FAM193A: variants seen among roughly 807,000 people sequenced by gnomAD.
FAM193A encodes protein FAM193A.
Under a neutral mutation model 126.5 loss-of-function variants are expected in FAM193A, and 22 were observed. That is an observed-to-expected ratio of 0.17 (90% CI 0.12 to 0.25). The LOEUF (loss-of-function observed/expected upper bound fraction) is 0.25. Among genes scored for constraint, FAM193A ranks in the 10% least tolerant of loss-of-function variants. The pLI, the probability that FAM193A is intolerant of heterozygous loss-of-function variation, is 1.00. For synonymous variants in FAM193A, 761 were observed against 646.8 expected (o/e 1.18, Z -2.68); for missense variants, 1,675 against 1,672.8 (o/e 1.00, Z -0.02).
chr4:2,646,805 G>T lies in FAM193A; in HGVS notation c.1284G>T (p.Lys428Asn). The change falls in exon 7 of 21, where the codon AAG becomes AAT. Residue 428 changes from lysine to asparagine, a missense_variant. By Grantham distance (94) the Lys-to-Asn change is moderately conservative. Transcript: ENST00000637812. ...CCGAGGAGTGGCTGGAGTGCCAGAA[G>T]AGGATCGACGCCTATGTCGACGAGC... ...RVAEEWLECQ[K>N]RIDAYVDEQM... is the part of the protein sequence containing the mutation. 6.2e-7 allele frequency: 1 copy of T among 1,613,474 alleles called. No homozygotes were observed. The highest frequency in any genetic ancestry group is 1.1e-5 in the South Asian group (1 of 91,006).
chr4:2,715,403 C>A, intron 19 of FAM193A: 1 of 613,014 alleles, frequency 1.6e-6, no homozygotes. Flanking sequence ...ATGGAGGTTC[C>A]AGTGAGCCGA....
intron 12 of FAM193A, among the ~76,000 whole-genome samples, chr4:2,665,971 C>G (rs779203142): frequency 1.3e-5 from 2 of 152,166 alleles, no homozygotes; most frequent in African/African-American, 2.4e-5. Flanking sequence ...CTCAGCCTCC[C>G]GAGTGCTTTT....
At chr4:2,658,327 A>G (rs1435483438) in intron 8 of FAM193A, among the ~76,000 whole-genome samples, 1 of 152,104 alleles carries the variant, frequency 6.6e-6, no homozygotes, top group African/African-American at 2.4e-5. Flanking sequence ...GCCAGGTGCC[A>G]TGCCTTCAAC....
At chr4:2,560,561 G>C (rs969787063) in intron 1 of FAM193A, among the ~76,000 whole-genome samples, 11 of 152,098 alleles carry the variant, frequency 7.2e-5, no homozygotes, top group South Asian at 2.1e-4. Context: ...TTTGTCTTTT[G>C]ATTTGGAAGA....
Position 2,719,327 on chromosome 4 carries a change from C to T in FAM193A, c.4454+3223C>T, listed in dbSNP as rs145527590. Among the ~76,000 whole-genome samples the T allele has an allele frequency of 7.3e-4, 111 of 152,192 alleles. 4 individuals carry two copies. In the East Asian group the frequency reaches 0.019, roughly 26 times the overall value. Reference sequence around the variant, plus strand: ...CTCCGTCTCAAAAATATTCTCATACCTACATCAGTGTAATTTTCAAAAAAA... The same window carrying T: ...CTCCGTCTCAAAAATATTCTCATACTTACATCAGTGTAATTTTCAAAAAAA... On this transcript the variant is annotated intron_variant, in intron 20 of 20. Coordinates refer to ENST00000637812, the MANE Select transcript of FAM193A (RefSeq NM_001366318.2).
At chr4:2,673,464 T>C (rs79539627) in intron 13 of FAM193A, among the ~76,000 whole-genome samples, 4,620 of 152,320 alleles carry the variant, frequency 0.03, 216 homozygotes, top group African/African-American at 0.11. Flanking sequence ...GAATAGAGTG[T>C]AATAAGTTTG....
intron 13 of FAM193A, among the ~76,000 whole-genome samples, chr4:2,680,044 A>G (rs561891902): frequency 6.6e-6 from 1 of 151,064 alleles, no homozygotes; most frequent in South Asian, 2.1e-4. Context: ...TATTTTTAGT[A>G]GAGACGGGGT....
At chr4:2,625,003 G>A (rs1041210686) in intron 2 of FAM193A, among the ~76,000 whole-genome samples, 1 of 152,084 alleles carries the variant, frequency 6.6e-6, no homozygotes, top group Non-Finnish European at 1.5e-5. Context: ...GACTACAGGC[G>A]GGCACCAACA....
intron 13 of FAM193A, among the ~76,000 whole-genome samples, chr4:2,673,734 A>G (rs1166287726): frequency 6.6e-6 from 1 of 152,184 alleles, no homozygotes; most frequent in African/African-American, 2.4e-5. Flanking sequence ...AGTTCCAAGA[A>G]AAGATAATAT....
At chr4:2,542,614 G>T (rs1737299772) in intron 1 of FAM193A, among the ~76,000 whole-genome samples, 2 of 152,158 alleles carry the variant, frequency 1.3e-5, no homozygotes, top group African/African-American at 4.8e-5. Context: ...CCCACAGATG[G>T]TGAGCTTTTT....
chr4:2,620,595 C>A (rs1259552223), intron 2 of FAM193A, among the ~76,000 whole-genome samples: 2 of 151,986 alleles, frequency 1.3e-5, no homozygotes, highest in African/African-American at 4.8e-5. Flanking sequence ...TGCCTGTAAT[C>A]CAGCACTCTG....
chr4:2,695,057 C>G lies in FAM193A; in HGVS notation c.3204C>G (p.Thr1068=). The change falls in exon 17 of 21, where the codon ACC becomes ACG. Residue 1068 remains threonine, a synonymous_variant. Transcript: ENST00000637812. ...EDSCSEHSSS[T]STSTNQKEGK... ...GCTGCTCTGAGCACAGCTCCAGCAC[C>G]TCGACCTCCACCAACCAGAAGGAGG... The G allele has an allele frequency of 6.2e-7, 1 of 1,609,602 alleles. No individual in the cohort carries two copies. The highest frequency in any genetic ancestry group is 8.5e-7 in the Non-Finnish European group (1 of 1,178,212).
intron 1 of FAM193A, among the ~76,000 whole-genome samples, chr4:2,577,677 C>T (rs898356480): frequency 5.3e-5 from 8 of 152,086 alleles, no homozygotes; most frequent in South Asian, 2.1e-4. Flanking sequence ...CCTGAGCCTC[C>T]TGAAGTGCTG....
intron 10 of FAM193A, among the ~76,000 whole-genome samples, chr4:2,662,043 C>T (rs1232473641): frequency 2.0e-5 from 3 of 151,900 alleles, no homozygotes; most frequent in African/African-American, 7.3e-5. Context: ...ATCAGCCGGG[C>T]GTGGTGGCGG....
chr4:2,649,190 A>T (rs1424311433), intron 7 of FAM193A, among the ~76,000 whole-genome samples: 1 of 151,844 alleles, frequency 6.6e-6, no homozygotes, highest in Non-Finnish European at 1.5e-5. Flanking sequence ...CCTGGGCAAC[A>T]TAGTGAGACC....
chr4:2,652,888 C>T (rs559223424), intron 7 of FAM193A, among the ~76,000 whole-genome samples: 3 of 152,218 alleles, frequency 2.0e-5, no homozygotes, highest in Non-Finnish European at 4.4e-5. Flanking sequence ...TGAACCGTTA[C>T]CGAGTGCTGT....
intron 1 of FAM193A, among the ~76,000 whole-genome samples, chr4:2,539,285 C>G (rs1479721340): frequency 6.6e-6 from 1 of 152,128 alleles, no homozygotes; most frequent in Non-Finnish European, 1.5e-5. Flanking sequence ...CTAGGCTGGC[C>G]TTGAGCTTGT....
At chr4:2,594,190 C>G (rs887632280) in intron 1 of FAM193A, among the ~76,000 whole-genome samples, 1 of 152,208 alleles carries the variant, frequency 6.6e-6, no homozygotes, top group African/African-American at 2.4e-5. Context: ...ATCACTAATT[C>G]ATTCATTTAT....
chr4:2,710,168 T>G (rs1249546978), intron 19 of FAM193A, among the ~76,000 whole-genome samples: 6 of 125,188 alleles, frequency 4.8e-5, no homozygotes, highest in South Asian at 2.3e-4. Context: ...TTTGTTTTTT[T>G]TTTTTTTTCT....
Sources: gnomAD v4.1 joint callset for allele counts (sites outside exome capture counted in the v4.1 genomes callset) on GRCh38, gnomAD v4.1.1 for gene constraint, MANE v1.5 for transcripts, NCBI Gene and HGNC (gene_info 2026-07-23, HGNC 2026-07-21) for gene names.